NR3C2: variants seen among roughly 807,000 people sequenced by gnomAD.
The protein encoded by NR3C2 is mineralocorticoid receptor.
Under a neutral mutation model 86.4 loss-of-function variants are expected in NR3C2, and 15 were observed. The observed-to-expected ratio is 0.17, with a 90% CI of 0.12 to 0.27. NR3C2 has a LOEUF of 0.27. NR3C2 is among the 10% of genes least tolerant of loss of function. The probability of loss-of-function intolerance (pLI) is 1.00; values close to 1 mark genes in which losing one functional copy is unlikely to be tolerated. For missense variants in NR3C2, 960 were observed against 1,195.6 expected, an observed-to-expected ratio of 0.80 and a Z score of 2.91; for synonymous variants, 458 against 450.5, an observed-to-expected ratio of 1.02 and a Z score of -0.21.
At chr4:148,163,465 A>C (rs1179670942) in intron 4 of NR3C2, among the ~76,000 whole-genome samples, 1 of 152,228 alleles carries the variant, frequency 6.6e-6, no homozygotes, top group African/African-American at 2.4e-5. Context: ...AATTTCAGAA[A>C]TACGTTTCCA....
chr4:148,155,714 C>A (rs1030625672), intron 4 of NR3C2, among the ~76,000 whole-genome samples: 1 of 150,320 alleles, frequency 6.7e-6, no homozygotes. Context: ...TCAATGCCAT[C>A]CCCATCAAGC....
At chr4:148,175,183 C>CA (rs1317059989) in intron 4 of NR3C2, among the ~76,000 whole-genome samples, 3 of 152,136 alleles carry the variant, frequency 2.0e-5, no homozygotes, top group Admixed American at 6.5e-5. Context: ...AAAACACACA[C>CA]AAAAAAACAA....
chr4:148,260,836 A>T (rs2149872707), intron 2 of NR3C2, among the ~76,000 whole-genome samples: 1 of 152,300 alleles, frequency 6.6e-6, no homozygotes, highest in South Asian at 2.1e-4. Context: ...TTTAGGCAAC[A>T]ATCTGTTTGA....
chr4:148,244,839 C>A (rs1172888444), intron 3 of NR3C2, among the ~76,000 whole-genome samples: 3 of 152,180 alleles, frequency 2.0e-5, no homozygotes, highest in Non-Finnish European at 2.9e-5. Flanking sequence ...GACTTTTGAT[C>A]TCTGCCCATA....
At chr4:148,120,696 T>G (rs1732471626) in intron 6 of NR3C2, among the ~76,000 whole-genome samples, 1 of 152,222 alleles carries the variant, frequency 6.6e-6, no homozygotes, top group Non-Finnish European at 1.5e-5. Context: ...AGGAAAGGAC[T>G]GGGCTAGATG....
rs1750099546 is a variant in NR3C2, at chr4:148,436,753, C to T, written c.108G>A (p.Arg36=). 1 of 1,614,038 alleles carries T rather than the reference C, an allele frequency of 6.2e-7. No homozygotes were observed. Residue 36 remains arginine, a synonymous_variant, in exon 2 of 9, where the codon AGG becomes AGA. Coordinates refer to ENST00000358102, the MANE Select transcript of NR3C2 (RefSeq NM_000901.5). ...VERSSLGPTE[R]TDENNYMEIV... ...TCTCCATGTAGTTATTCTCATCGGT[C>T]CTCTCTGTAGGTCCCAGGGAAGAAC...
chr4:148,390,072 G>A (rs532533874), intron 2 of NR3C2, among the ~76,000 whole-genome samples: 14 of 151,230 alleles, frequency 9.3e-5, no homozygotes, highest in African/African-American at 3.4e-4. Context: ...GAGAGGTAAC[G>A]TCCGGGCAAG....
At chr4:148,259,862 C>G (rs1740009376) in intron 3 of NR3C2, 116 bp downstream of exon 3, 1 of 1,333,506 alleles carries the variant, frequency 7.5e-7, no homozygotes, top group South Asian at 1.2e-5. Flanking sequence ...TTATCACTGA[C>G]AGATTAAATC....
chr4:148,199,352 G>A (rs545353246), intron 3 of NR3C2, among the ~76,000 whole-genome samples: 3 of 152,268 alleles, frequency 2.0e-5, no homozygotes, highest in Admixed American at 2.0e-4. Context: ...AAAAAGCCAG[G>A]ACTGTCCTAT....
At chr4:148,087,832 C>T (rs1170810859) in intron 8 of NR3C2, among the ~76,000 whole-genome samples, 2 of 152,138 alleles carry the variant, frequency 1.3e-5, no homozygotes, top group Non-Finnish European at 2.9e-5. Context: ...GACTAAAACA[C>T]CAAAAGCAAT....
At chr4:148,270,785 T>A (rs1740640898) in intron 2 of NR3C2, among the ~76,000 whole-genome samples, 1 of 152,186 alleles carries the variant, frequency 6.6e-6, no homozygotes, top group African/African-American at 2.4e-5. Context: ...CCTTTTCTAG[T>A]CTAGCCCCAA....
At chr4:148,402,632 C>T (rs929380007) in intron 2 of NR3C2, among the ~76,000 whole-genome samples, 10 of 152,166 alleles carry the variant, frequency 6.6e-5, no homozygotes, top group African/African-American at 2.2e-4. Flanking sequence ...ACACAACAAT[C>T]GCTATATAAG....
intron 2 of NR3C2, among the ~76,000 whole-genome samples, chr4:148,385,453 G>A (rs938170014): frequency 6.6e-6 from 1 of 152,166 alleles, no homozygotes; most frequent in Non-Finnish European, 1.5e-5. Context: ...TATTCATTGT[G>A]ACTCCTCTTA....
At chr4:148,265,856 C>A (rs972142329) in intron 2 of NR3C2, among the ~76,000 whole-genome samples, 1 of 152,060 alleles carries the variant, frequency 6.6e-6, no homozygotes, top group Non-Finnish European at 1.5e-5. Context: ...TGAAAGTCTA[C>A]GGTGGGCCCC....
chr4:148,253,304 C>T (rs1739664765), intron 3 of NR3C2, among the ~76,000 whole-genome samples: 1 of 152,088 alleles, frequency 6.6e-6, no homozygotes, highest in African/African-American at 2.4e-5. Flanking sequence ...TCATAATAAT[C>T]AAGGCATAAT....
intron 3 of NR3C2, among the ~76,000 whole-genome samples, chr4:148,244,977 C>T (rs1739246119): frequency 6.6e-6 from 1 of 152,134 alleles, no homozygotes; most frequent in Non-Finnish European, 1.5e-5. Flanking sequence ...ATGTCTGCAT[C>T]CAATTTCAAT....
intron 6 of NR3C2, among the ~76,000 whole-genome samples, chr4:148,149,988 G>A (rs1050825660): frequency 2.0e-5 from 3 of 151,902 alleles, no homozygotes; most frequent in African/African-American, 7.3e-5. Context: ...AAAGAGTGTG[G>A]TGTCTCCTTA....
At chr4:148,082,340 T>G (rs973702510) in intron 8 of NR3C2, among the ~76,000 whole-genome samples, 1 of 152,166 alleles carries the variant, frequency 6.6e-6, no homozygotes, top group African/African-American at 2.4e-5. Context: ...AGGTGGGTGA[T>G]TGCTGCATTT....
intron 2 of NR3C2, among the ~76,000 whole-genome samples, chr4:148,261,727 C>G (rs1434467606): frequency 6.6e-6 from 1 of 152,156 alleles, no homozygotes; most frequent in Non-Finnish European, 1.5e-5. Flanking sequence ...AGCCAAACAG[C>G]AGAAACATGG....
Sources: allele counts gnomAD v4.1 joint callset (sites outside exome capture counted in the v4.1 genomes callset), GRCh38; gene constraint gnomAD v4.1.1; transcripts MANE v1.5; gene names NCBI Gene and HGNC (gene_info 2026-07-23, HGNC 2026-07-21).